The following UTP18 variants were observed in gnomAD, a reference collection of about 807,000 sequenced individuals.
The protein encoded by UTP18 is U3 small nucleolar RNA-associated protein 18 homolog.
UTP18 carries 36 observed loss-of-function variants against 61.1 expected under a neutral mutation model. The ratio of observed to expected loss-of-function variants is 0.59; its 90% confidence interval spans 0.45 to 0.78. The LOEUF is 0.78. UTP18 is among the 30% of genes least tolerant of loss of function. The probability of loss-of-function intolerance (pLI) is 0.00; values close to 1 mark genes in which losing one functional copy is unlikely to be tolerated. For missense variants in UTP18, 753 were observed against 693.9 expected (o/e 1.09, Z -0.96); for synonymous variants, 282 against 251.1 (o/e 1.12, Z -1.16).
At chr17:51,265,045 G>A (rs1227087346) in intron 2 of UTP18, among the ~76,000 whole-genome samples, 1 of 151,872 alleles carries the variant, frequency 6.6e-6, no homozygotes, top group Non-Finnish European at 1.5e-5. Context: ...AATAATCTTG[G>A]TATATTAGTT....
chr17:51,263,400 C>T lies in UTP18; in HGVS notation c.455+14C>T. 3 of 1,596,816 alleles carry T rather than the reference C, an allele frequency of 1.9e-6. No individual in the cohort carries two copies. Among genetic ancestry groups the T allele is most frequent in the East Asian group, 2.2e-5 (1 of 44,802 alleles). On this transcript the variant is annotated intron_variant, in intron 2 of 13. Coordinates refer to ENST00000225298, the MANE Select transcript of UTP18 (RefSeq NM_016001.3). ...AGATGAGGAAATGTAAGTTGCCTAA[C>T]TTTTCTTCTGAATCCCTCTGTACAC...
intron 4 of UTP18, 107 bp from the exon 5 acceptor site, chr17:51,273,255 G>T (rs886660611): frequency 5.8e-6 from 4 of 685,152 alleles, no homozygotes; most frequent in Non-Finnish European, 8.8e-6. Context: ...AGGTAGGGAG[G>T]CTGGAAAGGG....
chr17:51,274,747 A>T (rs1040810842), intron 5 of UTP18, among the ~76,000 whole-genome samples: 24 of 149,472 alleles, frequency 1.6e-4, no homozygotes, highest in Non-Finnish European at 1.3e-4. Flanking sequence ...CACCGCGCCC[A>T]GCGACATAGG....
chr17:51,266,080 C>T (rs1353260511), intron 2 of UTP18, 102 bp from the exon 3 acceptor site: 3 of 812,748 alleles, frequency 3.7e-6, no homozygotes, highest in East Asian at 3.3e-5. Flanking sequence ...AAATCTTGAC[C>T]TATATTGTTT....
At chr17:51,270,965 A>G (rs1052138601) in intron 4 of UTP18, among the ~76,000 whole-genome samples, 2 of 152,256 alleles carry the variant, frequency 1.3e-5, no homozygotes, top group East Asian at 3.9e-4. Context: ...GGTGACTAGC[A>G]CTCAGCTTCA....
At chr17:51,264,346 T>C (rs558925534) in intron 2 of UTP18, among the ~76,000 whole-genome samples, 1 of 152,290 alleles carries the variant, frequency 6.6e-6, no homozygotes, top group South Asian at 2.1e-4. Flanking sequence ...GTGCCCAGCC[T>C]TATTTTTCCC....
chr17:51,294,394 C>T (rs1905307652), intron 12 of UTP18, among the ~76,000 whole-genome samples: 1 of 147,244 alleles, frequency 6.8e-6, no homozygotes, highest in South Asian at 2.2e-4. Flanking sequence ...GTTCTCCTTC[C>T]TGTGTCCATG....
chr17:51,273,929 A>G (rs1157787515), intron 5 of UTP18, among the ~76,000 whole-genome samples: 1 of 152,096 alleles, frequency 6.6e-6, no homozygotes, highest in Non-Finnish European at 1.5e-5. Flanking sequence ...CATTCTTTGT[A>G]TGGCAGCCAG....
intron 12 of UTP18, among the ~76,000 whole-genome samples, chr17:51,295,227 G>T (rs368889003): frequency 0.036 from 5,502 of 151,976 alleles, 214 homozygotes; most frequent in African/African-American, 0.096. Flanking sequence ...GTCAATTTTG[G>T]CTTTTGTTGC....
intron 3 of UTP18, among the ~76,000 whole-genome samples, chr17:51,266,741 C>T (rs914765342): frequency 2.0e-5 from 3 of 152,144 alleles, no homozygotes; most frequent in African/African-American, 7.2e-5. Context: ...AGGATGTTTT[C>T]CTTCATATTC....
Position 51,294,013 on chromosome 17 carries a change from GGGGAATGAAAAGGGCAAGGC to G in UTP18, c.1615_1634del (p.Gly539ProfsTer4). ...CTCCGAGAAGTGGATACTTTGCCTT[GGGGAATGAAAAGGGCAAGGC>G]CCTGATGTATAGGTAGGTATTATTT... On this transcript the variant is annotated frameshift_variant, in exon 12 of 14. Transcript: ENST00000225298. LOFTEE classifies it high-confidence loss of function. 6.2e-7 allele frequency: 1 copy of G among 1,609,216 alleles called. No individual in the cohort carries two copies. Among genetic ancestry groups the G allele is most frequent in the Non-Finnish European group, 8.5e-7 (1 of 1,177,936 alleles).
rs1407508282 is a variant in UTP18, at chr17:51,280,096, A to G, written c.1104A>G (p.Leu368=). 5.6e-6 allele frequency: 9 copies of G among 1,613,240 alleles called. No individual in the cohort carries two copies. The African/African-American group carries it at 6.7e-5, about 12-fold the overall frequency. ...GCATTGCTGGATATTTGCATTTGCT[A>G]GCAATGAAGGTAAAGCATTATTATT... ...INGIAGYLHL[L]AMKTKELIGS... is the part of the protein sequence containing the mutation. The change falls in exon 8 of 14, where the codon CTA becomes CTG. Residue 368 remains leucine (L), a synonymous_variant. Coordinates refer to ENST00000225298, the MANE Select transcript of UTP18 (RefSeq NM_016001.3).
intron 11 of UTP18, among the ~76,000 whole-genome samples, chr17:51,288,808 A>G (rs1171286133): frequency 1.3e-5 from 2 of 152,192 alleles, no homozygotes; most frequent in Admixed American, 6.5e-5. Context: ...AGCAAAGGGA[A>G]AGGGTACATG....
intron 1 of UTP18, 134 bp from the exon 2 acceptor site, chr17:51,263,140 T>C: frequency 1.4e-6 from 1 of 705,126 alleles, no homozygotes; most frequent in South Asian, 1.9e-5. Context: ...TTTGCAATGG[T>C]AGCATTCCAT....
chr17:51,288,213 T>A lies in UTP18; in HGVS notation c.1503+10T>A. 1 of 1,568,008 alleles carries A rather than the reference T, an allele frequency of 6.4e-7. No homozygotes were observed. The highest frequency in any genetic ancestry group is 8.6e-7 in the Non-Finnish European group (1 of 1,164,438). ...AGAAGCAGTCAGATTGGTAAATATTTCATTACCCCTTTATTATTGTTATTT... is the reference window on the plus strand; with the variant it reads ...AGAAGCAGTCAGATTGGTAAATATTACATTACCCCTTTATTATTGTTATTT... On this transcript the variant is annotated intron_variant, in intron 11 of 13. Coordinates refer to ENST00000225298, the MANE Select transcript of UTP18 (RefSeq NM_016001.3).
At position 51,293,968 on chromosome 17, in the gene UTP18, T is replaced by C. The variant is rs1360516496; in HGVS notation, c.1569T>C (p.His523=). Residue 523 remains histidine (H), a synonymous_variant, in exon 12 of 14, where the codon CAT becomes CAC. Coordinates refer to ENST00000225298, the MANE Select transcript of UTP18 (RefSeq NM_016001.3). ...FPVIKNKNIS[H]VHTMDFSPRS... is the part of the protein sequence containing the mutation. ...TCATTAAAAATAAGAATATTTCTCA[T>C]GTTCATACCATGGATTTTTCTCCGA... 1 of 1,610,564 alleles carries C rather than the reference T, an allele frequency of 6.2e-7. No homozygotes were observed. The highest frequency in any genetic ancestry group is 1.1e-5 in the South Asian group (1 of 90,410).
intron 2 of UTP18, among the ~76,000 whole-genome samples, chr17:51,265,562 C>CTTTTTTTT (rs10695281): frequency 1.2e-4 from 10 of 85,560 alleles, no homozygotes; most frequent in African/African-American, 3.5e-4. Context: ...CGTGCCCGGC[C>CTTTTTTTT]TTTTTTTTTT....
chr17:51,266,629 G>A (rs750366248), intron 3 of UTP18, among the ~76,000 whole-genome samples: 46 of 152,172 alleles, frequency 3.0e-4, no homozygotes, highest in Admixed American at 5.2e-4. Flanking sequence ...TTTGCTTTGT[G>A]TATTTGGGGG....
chr17:51,289,398 G>T (rs1327464352), intron 11 of UTP18, among the ~76,000 whole-genome samples: 1 of 147,736 alleles, frequency 6.8e-6, no homozygotes, highest in South Asian at 2.1e-4. Context: ...AAGTAGAGAC[G>T]GGGTTTCACC....
Sources: allele counts gnomAD v4.1 joint callset (sites outside exome capture counted in the v4.1 genomes callset), GRCh38; gene constraint gnomAD v4.1.1; transcripts MANE v1.5; gene names NCBI Gene and HGNC (gene_info 2026-07-23, HGNC 2026-07-21).